The following IFT52 variants were observed in gnomAD, a reference collection of about 807,000 sequenced individuals.
The protein encoded by IFT52 is intraflagellar transport 52.
In IFT52, 44 loss-of-function variants were observed where a neutral mutation model predicts 54.4. That is an observed-to-expected ratio of 0.81 (90% confidence interval 0.63 to 1.04). The LOEUF is 1.04. IFT52 is among the 50% of genes least tolerant of loss of function. The pLI is 0.00. For missense variants in IFT52, 452 were observed against 523.6 expected, an observed-to-expected ratio of 0.86 and a Z score of 1.33; for synonymous variants, 181 against 185.3, an observed-to-expected ratio of 0.98 and a Z score of 0.19.
At chr20:43,625,503 C>T (rs1177987387) in intron 10 of IFT52, among the ~76,000 whole-genome samples, 1 of 149,490 alleles carries the variant, frequency 6.7e-6, no homozygotes, top group Non-Finnish European at 1.5e-5. Context: ...AAGACTCCAT[C>T]TCAAAAAAAA....
In IFT52 at chr20:43,643,089, C is replaced by T. The variant is rs111422455; in HGVS notation, c.1266+465C>T. Among the ~76,000 whole-genome samples the T allele has an allele frequency of 1.6e-3, 246 of 152,126 alleles. 1 individual carries two copies. The highest frequency in any genetic ancestry group is 5.6e-3 in the African/African-American group (232 of 41,490). On this transcript the variant is annotated intron_variant, in intron 13 of 13. Coordinates refer to ENST00000373030, the MANE Select transcript of IFT52 (RefSeq NM_016004.5). Reference sequence around the variant, plus strand: ...GGCTGAGGCAGATGAATCACTTGAACCCAGAAGGCAGAGGTTGTGGTGAGC... The same window carrying T: ...GGCTGAGGCAGATGAATCACTTGAATCCAGAAGGCAGAGGTTGTGGTGAGC...
intron 10 of IFT52, among the ~76,000 whole-genome samples, chr20:43,631,425 G>A (rs939312921): frequency 2.6e-5 from 4 of 152,106 alleles, no homozygotes; most frequent in Admixed American, 6.6e-5. Context: ...TCATTTAATC[G>A]TCTTTCTGCA....
rs79533622 is a variant in IFT52 at position 43,642,709 on chromosome 20, G to A, written c.1266+85G>A. The A allele has an allele frequency of 5.0e-4, 670 of 1,333,040 alleles. 5 individuals are homozygous for A. The East Asian group carries it at 0.014, about 27-fold the overall frequency. 82.6% of individuals were successfully genotyped at this position (1,333,040 alleles called of 1,614,324 possible). A position where few individuals can be genotyped will look rare whatever the true frequency, so the allele number is the denominator to read the frequency against. On this transcript the variant is annotated intron_variant, in intron 13 of 13. Transcript: ENST00000373030. ...GACTGTGCTTGCCATGTTTTATGAC[G>A]TTGATTCAGCCTGTAAATATTTATT...
At chr20:43,592,729 A>G (rs910327436) in intron 1 of IFT52, among the ~76,000 whole-genome samples, 3 of 152,234 alleles carry the variant, frequency 2.0e-5, no homozygotes, top group African/African-American at 4.8e-5. Flanking sequence ...TTTAAAATCT[A>G]TATGGCCTGC....
At chr20:43,614,939 G>A (rs1983747835) in intron 7 of IFT52, among the ~76,000 whole-genome samples, 3 of 151,756 alleles carry the variant, frequency 2.0e-5, no homozygotes, top group African/African-American at 7.3e-5. Context: ...CTCCCGAGTA[G>A]CTGGGATTAC....
At chr20:43,621,704 C>T (rs1984313755) in intron 9 of IFT52, among the ~76,000 whole-genome samples, 2 of 152,204 alleles carry the variant, frequency 1.3e-5, no homozygotes, top group Admixed American at 6.5e-5. Flanking sequence ...CTCAAGTGAT[C>T]CACCTGTCTC....
In IFT52 at chr20:43,641,787, C is replaced by T. The variant is rs188122432; in HGVS notation, c.1121-692C>T. On this transcript the variant is annotated intron_variant, in intron 12 of 13. Transcript: ENST00000373030. ...GGGATTACAGGCGTGAGCCTTCACG[C>T]TCGGCTGTTTTGTTTTGTTTTGTTT... Among the ~76,000 whole-genome samples the T allele has an allele frequency of 1.6e-3, 240 of 152,132 alleles. 1 individual carries two copies. Among genetic ancestry groups the T allele is most frequent in the African/African-American group, 5.4e-3 (226 of 41,498 alleles).
intron 9 of IFT52, 80 bp downstream of exon 9, chr20:43,621,005 A>G: frequency 2.0e-6 from 2 of 988,520 alleles, no homozygotes; most frequent in South Asian, 2.7e-5. Flanking sequence ...CTCAAAAGGA[A>G]TACATGACTG....
At chr20:43,600,153 A>C (rs531391135) in intron 3 of IFT52, among the ~76,000 whole-genome samples, 1 of 152,318 alleles carries the variant, frequency 6.6e-6, no homozygotes, top group African/African-American at 2.4e-5. Flanking sequence ...ATTTTGAAAT[A>C]AATGTTTAAT....
At chr20:43,597,091 G>T (rs557018534) in intron 3 of IFT52, among the ~76,000 whole-genome samples, 2 of 150,630 alleles carry the variant, frequency 1.3e-5, no homozygotes, top group African/African-American at 2.4e-5. Flanking sequence ...GGAAAATTCC[G>T]CCAGGCGCGG....
At chr20:43,592,463 G>A (rs1053614287) in intron 1 of IFT52, among the ~76,000 whole-genome samples, 1 of 150,544 alleles carries the variant, frequency 6.6e-6, no homozygotes, top group East Asian at 2.0e-4. Context: ...AGTCCCAGCC[G>A]CTTGGGAGGC....
At chr20:43,626,360 C>T (rs552463935) in intron 10 of IFT52, among the ~76,000 whole-genome samples, 2 of 151,680 alleles carry the variant, frequency 1.3e-5, no homozygotes, top group South Asian at 4.2e-4. Flanking sequence ...GCCTCCCAGG[C>T]TCAAGCAATT....
chr20:43,609,864 G>A (rs1040748716), intron 6 of IFT52, among the ~76,000 whole-genome samples: 5 of 149,250 alleles, frequency 3.4e-5, no homozygotes, highest in Admixed American at 6.7e-5. Context: ...CAGGAGAATT[G>A]CTTGAACCCA....
chr20:43,623,074 C>G (rs189071770), intron 9 of IFT52, among the ~76,000 whole-genome samples: 1 of 152,114 alleles, frequency 6.6e-6, no homozygotes, highest in Non-Finnish European at 1.5e-5. Context: ...GGCCTGGATG[C>G]TAGGGGGTGG....
chr20:43,635,916 A>G lies in IFT52; in HGVS notation c.924-10A>G, dbSNP rs1290217325. 1 of 1,613,550 alleles carries G rather than the reference A, an allele frequency of 6.2e-7. No homozygotes were observed. The highest frequency in any genetic ancestry group is 8.5e-7 in the Non-Finnish European group (1 of 1,179,736). On this transcript the variant is annotated splice_polypyrimidine_tract_variant and intron_variant, in intron 10 of 13. Coordinates refer to ENST00000373030, the MANE Select transcript of IFT52 (RefSeq NM_016004.5). ...TTGATCCCTGCTTTTTTGTTTGATT[A>G]TGAACACAGGGCTCACGAGCAGCTA...
At chr20:43,605,126 C>G (rs1299231692) in intron 6 of IFT52, 53 bp downstream of exon 6, 15 of 1,593,098 alleles carry the variant, frequency 9.4e-6, no homozygotes, top group Non-Finnish European at 9.4e-6. Context: ...TTGGAGTCTT[C>G]TTTTTCAAAA....
intron 8 of IFT52, among the ~76,000 whole-genome samples, chr20:43,620,003 G>A (rs1257254599): frequency 1.5e-5 from 2 of 131,580 alleles, no homozygotes; most frequent in African/African-American, 5.8e-5. Context: ...TGCAACCATC[G>A]CCTCACGGGT....
At chr20:43,613,828 G>C in intron 6 of IFT52, 22 bp from the exon 7 acceptor site, 1 of 1,599,302 alleles carries the variant, frequency 6.3e-7, no homozygotes, top group Non-Finnish European at 8.5e-7. Context: ...AAATTTGAAT[G>C]TGTTTCTTTA....
intron 6 of IFT52, among the ~76,000 whole-genome samples, chr20:43,607,770 C>T (rs972176854): frequency 5.9e-5 from 9 of 152,046 alleles, no homozygotes; most frequent in African/African-American, 1.9e-4. Flanking sequence ...GCTGCACTCT[C>T]GGCACTTTGG....
Sources: gnomAD v4.1 joint callset for allele counts (sites outside exome capture counted in the v4.1 genomes callset) on GRCh38, gnomAD v4.1.1 for gene constraint, MANE v1.5 for transcripts, NCBI Gene and HGNC (gene_info 2026-07-23, HGNC 2026-07-21) for gene names.